Variants in ADAP1 observed in about 807,000 individuals in gnomAD.
ADAP1 encodes the protein arf-GAP with dual PH domain-containing protein 1.
In ADAP1, 31 loss-of-function variants were observed where a neutral mutation model predicts 54.9. That is an observed-to-expected ratio of 0.56 (90% confidence interval 0.42 to 0.76). The LOEUF is 0.76. ADAP1 is among the 30% of genes least tolerant of loss of function. The probability of loss-of-function intolerance (pLI) is 0.00; values close to 1 mark genes in which losing one functional copy is unlikely to be tolerated. For synonymous variants in ADAP1, 313 were observed against 202.6 expected (o/e 1.55, Z -4.63); for missense variants, 535 against 512.4 (o/e 1.04, Z -0.42).
chr7:903,397 C>G (rs10269327), intron 6 of ADAP1, among the ~76,000 whole-genome samples: 109,790 of 152,022 alleles, frequency 0.72, 40,072 homozygotes, highest in African/African-American at 0.74. Context: ...ACACCGGCAG[C>G]TTATTTTTGG....
In ADAP1 at chr7:899,267, G is replaced by A. The variant is rs1432151451; in HGVS notation, c.868-6C>T. 1 of 1,612,638 alleles carries A rather than the reference G, an allele frequency of 6.2e-7. No individual in the cohort carries two copies. The highest frequency in any genetic ancestry group is 2.2e-5 in the East Asian group (1 of 44,868). On this transcript the variant is annotated splice_polypyrimidine_tract_variant and splice_region_variant and intron_variant, in intron 9 of 10. Coordinates refer to ENST00000265846, the MANE Select transcript of ADAP1 (RefSeq NM_006869.4). ...TCCCCTCGGGCGAAGGCGTCCTGTG[G>A]GTGGGGACCGCACTGGAGGCGGGGC... is the stretch of plus-strand genomic sequence containing the variant.
chr7:922,870 C>T, intron 3 of ADAP1: 1 of 149,570 alleles, frequency 6.7e-6, no homozygotes, highest in Non-Finnish European at 1.5e-5. Flanking sequence ...ACCCCCGCCC[C>T]CATTGTCTAT....
At chr7:928,831 G>C (rs1846471910) in intron 2 of ADAP1, among the ~76,000 whole-genome samples, 1 of 152,254 alleles carries the variant, frequency 6.6e-6, no homozygotes. Flanking sequence ...ATAGAGTCCA[G>C]CGATTCCTCT....
chr7:941,551 A>G (rs182404136), intron 1 of ADAP1, among the ~76,000 whole-genome samples: 8 of 152,378 alleles, frequency 5.3e-5, no homozygotes, highest in Admixed American at 4.6e-4. Context: ...AATACCATTT[A>G]TAATAGCATA....
intron 1 of ADAP1, among the ~76,000 whole-genome samples, chr7:943,219 A>AGG (rs1491439542): frequency 3.7e-4 from 7 of 19,104 alleles, no homozygotes; most frequent in Admixed American, 1.9e-3. Context: ...AGGAGGAGGA[A>AGG]GAGAGAGGAG....
chr7:940,286 C>T (rs780772882), intron 1 of ADAP1, among the ~76,000 whole-genome samples: 8 of 149,684 alleles, frequency 5.3e-5, no homozygotes, highest in Non-Finnish European at 1.0e-4. Flanking sequence ...TGCAGTGAGC[C>T]GAGATGGCAC....
chr7:935,062 T>A (rs1846706455), intron 2 of ADAP1: 1 of 519,910 alleles, frequency 1.9e-6, no homozygotes. Context: ...GTGCTCCAGG[T>A]GTGGGGATTT....
intron 3 of ADAP1, among the ~76,000 whole-genome samples, chr7:924,113 AGGTCCACGCTGCACCCCCCGCCCTCCG>A (rs1562928174): frequency 6.5e-5 from 3 of 46,046 alleles, no homozygotes; most frequent in Admixed American, 2.7e-4. Flanking sequence ...GTTACACTGC[AGGTCCACGCTGCACCCCCCGCCCTCCG>A]GGTTACACTG....
chr7:930,799 A>G (rs376028140), intron 2 of ADAP1, among the ~76,000 whole-genome samples: 17 of 135,964 alleles, frequency 1.3e-4, no homozygotes, highest in African/African-American at 5.0e-4. Flanking sequence ...AGCCTGGGAG[A>G]CAGTGAGACT....
At chr7:916,177 T>G (rs1845926730) in intron 4 of ADAP1, among the ~76,000 whole-genome samples, 1 of 152,138 alleles carries the variant, frequency 6.6e-6, no homozygotes, top group Non-Finnish European at 1.5e-5. Context: ...TGACCTTTCC[T>G]GGCAGCCCGG....
At chr7:919,583 G>A (rs115338477) in intron 4 of ADAP1, among the ~76,000 whole-genome samples, 2,246 of 145,948 alleles carry the variant, frequency 0.015, 50 homozygotes, top group African/African-American at 0.054. Context: ...TGAGATAGAC[G>A]TGAAGAGAGA....
In ADAP1 at chr7:899,498, T is replaced by A; in HGVS notation, c.796-8A>T. The A allele has an allele frequency of 6.2e-7, 1 of 1,612,412 alleles. No individual in the cohort carries two copies. The highest frequency in any genetic ancestry group is 8.5e-7 in the Non-Finnish European group (1 of 1,179,648). ...CCGGAAGCCTTCCGTTTGCTGTGGG[T>A]CAGAGAGGGCCCGTGACCGGCAGGT... is the stretch of plus-strand genomic sequence containing the variant. On this transcript the variant is annotated splice_region_variant and splice_polypyrimidine_tract_variant and intron_variant, in intron 8 of 10. Coordinates refer to ENST00000265846, the MANE Select transcript of ADAP1 (RefSeq NM_006869.4).
At chr7:919,872 G>GAAAGAGATGGGGGAGGGAGGA in intron 4 of ADAP1, 96 bp downstream of exon 4, 1 of 543,120 alleles carries the variant, frequency 1.8e-6, no homozygotes, top group South Asian at 1.9e-5. Flanking sequence ...GGGAGGGAGG[G>GAAAGAGATGGGGGAGGGAGGA]AAAGAGATGG....
chr7:904,922 G>GT, intron 5 of ADAP1, 138 bp downstream of exon 5: 3 of 746,394 alleles, frequency 4.0e-6, no homozygotes, highest in Non-Finnish European at 6.7e-6. Context: ...ACACAGGCCG[G>GT]TTCTCCTGGA....
intron 7 of ADAP1, 31 bp downstream of exon 7, chr7:900,502 C>T: frequency 6.6e-7 from 1 of 1,505,242 alleles, no homozygotes; most frequent in African/African-American, 1.4e-5. Flanking sequence ...CCCCTGTCTG[C>T]CCTGGAGCTG....
At chr7:906,725 G>GGA (rs1845439743) in intron 4 of ADAP1, among the ~76,000 whole-genome samples, 2 of 32,104 alleles carry the variant, frequency 6.2e-5, no homozygotes. Flanking sequence ...ATCGGGGACG[G>GGA]GACATGGGGG....
At chr7:936,604 C>T (rs191917406) in intron 1 of ADAP1, among the ~76,000 whole-genome samples, 81 of 152,370 alleles carry the variant, frequency 5.3e-4, no homozygotes, top group Admixed American at 2.6e-3. Flanking sequence ...AAGAGGGCTG[C>T]TGTGTGACTC....
At chr7:904,416 G>T in intron 5 of ADAP1, 144 bp from the exon 6 acceptor site, 1 of 1,046,728 alleles carries the variant, frequency 9.6e-7, no homozygotes, top group Non-Finnish European at 1.3e-6. Flanking sequence ...CTGAGCCTTG[G>T]CCTCCCGGTC....
rs1281114199 is a variant in ADAP1 at position 926,425 on chromosome 7, A to G, written c.305+128T>C. 1.0e-5 allele frequency: 7 copies of G among 673,042 alleles called. No individual in the cohort carries two copies. Among genetic ancestry groups the G allele is most frequent in the Non-Finnish European group, 1.4e-5 (6 of 442,490 alleles). The allele number at this position is 673,042 out of a possible 1,614,324, so 41.7% of individuals were successfully genotyped here. A position where few individuals can be genotyped will look rare whatever the true frequency, so the allele number is the denominator to read the frequency against. ...CGGCACCTCGGGGTCTGGGGGACGC[A>G]GCTGCGGCTGGCTTCTCCCCGACCC... On this transcript the variant is annotated intron_variant, in intron 3 of 10. Transcript: ENST00000265846. This position sits in a 1 kb window ranked among gnomAD's most constrained non-coding sequence, Gnocchi z 4.6.
Sources: allele counts gnomAD v4.1 joint callset (sites outside exome capture counted in the v4.1 genomes callset), GRCh38; gene constraint gnomAD v4.1.1; non-coding constraint Gnocchi (gnomAD v3.1); transcripts MANE v1.5; gene names NCBI Gene and HGNC (gene_info 2026-07-23, HGNC 2026-07-21).